The following C11orf21 variants were observed in gnomAD, a reference collection of about 807,000 sequenced individuals.
C11orf21 encodes chromosome 11 open reading frame 21.
A neutral mutation model predicts 15.2 loss-of-function variants in C11orf21; 19 were observed. The observed-to-expected ratio is 1.25, with a 90% CI of 0.87 to 1.84. C11orf21 has a LOEUF of 1.84. C11orf21 is among the 40% of genes most tolerant of loss of function. The pLI, the probability that C11orf21 is intolerant of heterozygous loss-of-function variation, is 0.00. For missense variants in C11orf21, 171 were observed against 174.4 expected (o/e 0.98, Z 0.11); for synonymous variants, 62 against 66.8 (o/e 0.93, Z 0.35).
In C11orf21 at chr11:2,300,502, G is replaced by GT; in HGVS notation, c.147+17_147+18insA. ...TGCCCCCGCTGGTGGGGCACAGTGA[G>GT]GGGGGCTGTGGTCAGACCTGGTCTC... On this transcript the variant is annotated intron_variant, in intron 2 of 3. Transcript: ENST00000381153. 3 of 1,504,890 alleles carry GT rather than the reference G, an allele frequency of 2.0e-6. No homozygotes were observed. Among genetic ancestry groups the GT allele is most frequent in the Non-Finnish European group, 2.7e-6 (3 of 1,116,136 alleles). 93.2% of individuals were successfully genotyped at this position (1,504,890 alleles called of 1,614,324 possible).
rs758731973 is a variant in C11orf21, at chr11:2,299,428, C to G, written c.*28G>C. Reference sequence around the variant, plus strand: ...CCAGCCTCAGAGCCCGGCTGCTCACCTCTGATGGACAGAAAAGGGTCCCTG... The same window carrying G: ...CCAGCCTCAGAGCCCGGCTGCTCACGTCTGATGGACAGAAAAGGGTCCCTG... On this transcript the variant is annotated splice_region_variant and 3_prime_UTR_variant, in exon 3 of 4. Transcript: ENST00000381153. The G allele has an allele frequency of 4.5e-6, 7 of 1,548,758 alleles. No homozygotes were observed. In the South Asian group the frequency reaches 8.3e-5, roughly 18 times the overall value.
rs1847535943 is a variant in C11orf21 at position 2,296,814 on chromosome 11, G to C, written c.*1136C>G. On this transcript the variant is annotated 3_prime_UTR_variant, in exon 4 of 4. Coordinates refer to ENST00000381153, the MANE Select transcript of C11orf21 (RefSeq NM_001329958.2). This position sits in a 1 kb window ranked among gnomAD's most constrained non-coding sequence, Gnocchi z 5.6. ...GGCCACCCCCACTGGGCTGTGCCCTGCCTCCTTAAAGACTGTGAGCGAGCT... is the reference window on the plus strand; with the variant it reads ...GGCCACCCCCACTGGGCTGTGCCCTCCCTCCTTAAAGACTGTGAGCGAGCT... 1 of 152,390 alleles carries C rather than the reference G, an allele frequency of 6.6e-6. No individual in the cohort carries two copies. The highest frequency in any genetic ancestry group is 1.5e-5 in the Non-Finnish European group (1 of 68,188). 9.4% of individuals were successfully genotyped at this position (152,390 alleles called of 1,614,324 possible).
chr11:2,298,496 A>G (rs1039062536), intron 3 of C11orf21, among the ~76,000 whole-genome samples: 2 of 152,166 alleles, frequency 1.3e-5, no homozygotes, highest in Non-Finnish European at 2.9e-5. Flanking sequence ...TGTGGGGACC[A>G]TTAGGGGGAG....
upstream of C11orf21, chr11:2,302,333 C>CTGTCCTGCCCTTGCAGACATG (rs913426875): frequency 4.4e-6 from 5 of 1,144,106 alleles, no homozygotes; most frequent in South Asian, 2.7e-5. Flanking sequence ...CCTACTGTCC[C>CTGTCCTGCCCTTGCAGACATG]TGTCCTGCCC....
rs1847761002 is a variant in C11orf21 at position 2,301,757 on chromosome 11, T to C, written c.52A>G (p.Ser18Gly). ...TCACTCCCAGGACGGGGAGCTCACC[T>C]CCTCCTCCCCGGGCGCCGTCTCCTC... is the stretch of plus-strand genomic sequence containing the variant. ...MWRRRRPGRRSAVPRWPHLSS... is the reference protein window; with the variant it reads ...MWRRRRPGRRGAVPRWPHLSS... The change falls in exon 1 of 4, where the codon AGC becomes GGC. Residue 18 changes from serine (S) to glycine (G), a missense_variant and splice_region_variant. Physicochemically the swap from Ser to Gly is moderately conservative, Grantham distance 56. Coordinates refer to ENST00000381153, the MANE Select transcript of C11orf21 (RefSeq NM_001329958.2). 7 of 1,547,324 alleles carry C rather than the reference T, an allele frequency of 4.5e-6. No individual in the cohort carries two copies. Among genetic ancestry groups the C allele is most frequent in the African/African-American group, 2.7e-5 (2 of 73,030 alleles).
At position 2,300,423 on chromosome 11, in the gene C11orf21, G is replaced by A. The variant is rs765582917; in HGVS notation, c.147+97C>T. On this transcript the variant is annotated intron_variant, in intron 2 of 3. Coordinates refer to ENST00000381153, the MANE Select transcript of C11orf21 (RefSeq NM_001329958.2). ...AGCCACTTCCTCTTGCAGAGGGAAT[G>A]TTGGGGTGGGAGGGTGTGGCTCAGC... 6.0e-4 allele frequency: 469 copies of A among 776,092 alleles called. 1 individual carries two copies. Among genetic ancestry groups the A allele is most frequent in the Non-Finnish European group, 8.7e-4 (423 of 484,076 alleles). The allele number at this position is 776,092 out of a possible 1,614,324, so 48.1% of individuals were successfully genotyped here.
upstream of C11orf21, chr11:2,302,613 G>C (rs1029417732): frequency 3.5e-6 from 2 of 574,744 alleles, no homozygotes; most frequent in South Asian, 2.1e-5. Context: ...TGGGGAAGCT[G>C]GGCTGTGCGT....
chr11:2,301,645 C>G (rs1462193499), intron 1 of C11orf21, 111 bp downstream of exon 1: 14 of 925,946 alleles, frequency 1.5e-5, no homozygotes, highest in Non-Finnish European at 2.2e-5. Context: ...AGGGTGTTTC[C>G]TAAGAACACC....
chr11:2,300,455 C>T (rs953013733), intron 2 of C11orf21, 65 bp downstream of exon 2: 15 of 1,005,810 alleles, frequency 1.5e-5, no homozygotes, highest in South Asian at 4.6e-5. Flanking sequence ...CAGCAAAGGG[C>T]GTGGGGGTTC....
rs1055020468 is a variant in C11orf21 at position 2,301,551 on chromosome 11, C to T, written c.53+205G>A. 2.5e-5 allele frequency: 13 copies of T among 512,600 alleles called. No individual in the cohort carries two copies. In the East Asian group the frequency reaches 2.9e-4, roughly 11 times the overall value. The allele number at this position is 512,600 out of a possible 1,614,324, so 31.8% of individuals were successfully genotyped here. ...CCCCTGTGGCCCCAAGAAGGCTCTG[C>T]GACAAAATATCCATGAGTGCCGCCC... is the stretch of plus-strand genomic sequence containing the variant. On this transcript the variant is annotated intron_variant, in intron 1 of 3. Transcript: ENST00000381153.
chr11:2,301,929 G>A, upstream of C11orf21: 1 of 1,524,768 alleles, frequency 6.6e-7, no homozygotes, highest in South Asian at 1.2e-5. Flanking sequence ...GGGGGCACCA[G>A]GGTGAGGTGG....
At chr11:2,302,576 A>C (rs965266008), upstream of C11orf21, 2 of 551,464 alleles carry the variant, frequency 3.6e-6, no homozygotes, top group Non-Finnish European at 6.5e-6. Flanking sequence ...CACTCCGTAG[A>C]CACAATGATC....
rs940760250 is a variant in C11orf21, at chr11:2,297,875, C to A, written c.*75G>T. On this transcript the variant is annotated 3_prime_UTR_variant, in exon 4 of 4. Transcript: ENST00000381153. ...TCCAGTCTTGGTGAGGGCTCTCTTC[C>A]TGGCTTACAGATGGCTGCCTTCTCT... 1 of 152,262 alleles carries A rather than the reference C, an allele frequency of 6.6e-6. No individual in the cohort carries two copies. Among genetic ancestry groups the A allele is most frequent in the Non-Finnish European group, 1.5e-5 (1 of 68,082 alleles). 9.4% of individuals were successfully genotyped at this position (152,262 alleles called of 1,614,324 possible). A position where few individuals can be genotyped will look rare whatever the true frequency, so the allele number is the denominator to read the frequency against.
chr11:2,298,626 C>T (rs1847589061), intron 3 of C11orf21, among the ~76,000 whole-genome samples: 2 of 152,168 alleles, frequency 1.3e-5, no homozygotes, highest in Admixed American at 1.3e-4. Flanking sequence ...CTCTGCCCCA[C>T]TCCTCCACCC....
In C11orf21 at chr11:2,297,612, A is replaced by T. The variant is rs1384243908; in HGVS notation, c.*338T>A. On this transcript the variant is annotated 3_prime_UTR_variant, in exon 4 of 4. Coordinates refer to ENST00000381153, the MANE Select transcript of C11orf21 (RefSeq NM_001329958.2). ...TTCCGCTGTAGCCCACTGTCTCTAA[A>T]CATATTTCACACGTTGCTGGGGGCA... 1 of 152,210 alleles carries T rather than the reference A, an allele frequency of 6.6e-6. No individual in the cohort carries two copies. Among genetic ancestry groups the T allele is most frequent in the Non-Finnish European group, 1.5e-5 (1 of 68,078 alleles). 9.4% of individuals were successfully genotyped at this position (152,210 alleles called of 1,614,324 possible). A position where few individuals can be genotyped will look rare whatever the true frequency, so the allele number is the denominator to read the frequency against.
chr11:2,301,722 C>G (rs1183810471), intron 1 of C11orf21, 34 bp downstream of exon 1: 1 of 1,525,858 alleles, frequency 6.6e-7, no homozygotes, highest in East Asian at 2.4e-5. Context: ...AAGGCCCAGT[C>G]CACACTTGCT....
At chr11:2,300,970 G>A in intron 1 of C11orf21, 1 of 600,798 alleles carries the variant, frequency 1.7e-6, no homozygotes, top group Non-Finnish European at 3.0e-6. Context: ...AGGCATCTGA[G>A]GTCTCCACAA....
intron 2 of C11orf21, 131 bp from the exon 3 acceptor site, chr11:2,299,838 G>T (rs1358456452): frequency 6.3e-6 from 3 of 476,558 alleles, no homozygotes; most frequent in African/African-American, 5.6e-5. Flanking sequence ...GTCTGCACAC[G>T]CATCCACGCC....
At position 2,297,689 on chromosome 11, in the gene C11orf21, A is replaced by G. The variant is rs1201222191; in HGVS notation, c.*261T>C. Reference sequence around the variant, plus strand: ...GCCAGCCCAGAGCTGTTTAGTAGACATGAGGTGAGTGAATGAATGAATGAA... The same window carrying G: ...GCCAGCCCAGAGCTGTTTAGTAGACGTGAGGTGAGTGAATGAATGAATGAA... On this transcript the variant is annotated 3_prime_UTR_variant, in exon 4 of 4. Coordinates refer to ENST00000381153, the MANE Select transcript of C11orf21 (RefSeq NM_001329958.2). 6.6e-6 allele frequency: 1 copy of G among 152,278 alleles called. No individual in the cohort carries two copies. Among genetic ancestry groups the G allele is most frequent in the East Asian group, 1.9e-4 (1 of 5,204 alleles). The allele number at this position is 152,278 out of a possible 1,614,324, so 9.4% of individuals were successfully genotyped here.
Sources: allele counts gnomAD v4.1 joint callset (sites outside exome capture counted in the v4.1 genomes callset), GRCh38; gene constraint gnomAD v4.1.1; non-coding constraint Gnocchi (gnomAD v3.1); transcripts MANE v1.5; gene names NCBI Gene and HGNC (gene_info 2026-07-23, HGNC 2026-07-21).